The following ABCA5 variants were observed in gnomAD, a reference collection of about 807,000 sequenced individuals.
ABCA5 encodes the protein cholesterol transporter ABCA5.
Under a neutral mutation model 206.0 loss-of-function variants are expected in ABCA5, and 163 were observed. The ratio of observed to expected loss-of-function variants is 0.79; its 90% CI spans 0.70 to 0.90. The LOEUF (loss-of-function observed/expected upper bound fraction) is 0.90. Ranked by LOEUF, ABCA5 falls within the 40% of genes least tolerant of loss-of-function variation. ABCA5 has a pLI of 0.00. For missense variants in ABCA5, 1,859 were observed against 1,912.9 expected (o/e 0.97, Z 0.53); for synonymous variants, 609 against 613.8 (o/e 0.99, Z 0.11).
chr17:69,308,135 T>TTC (rs1555584948), intron 5 of ABCA5, 145 bp downstream of exon 5: 1 of 305,678 alleles, frequency 3.3e-6, no homozygotes, highest in Non-Finnish European at 5.7e-6. Context: ...AATATGACTT[T>TTC]TTTATCTTTT....
At chr17:69,249,266 T>TA (rs1189518280) in intron 37 of ABCA5, 1 of 152,210 alleles carries the variant, frequency 6.6e-6, no homozygotes, top group Non-Finnish European at 1.5e-5. Flanking sequence ...TTTCACAGTT[T>TA]ATAAATGCCA....
At position 69,287,605 on chromosome 17, in the gene ABCA5, A is replaced by T. The variant is rs374274904; in HGVS notation, c.2041+8T>A. The T allele has an allele frequency of 1.4e-5, 22 of 1,606,002 alleles. No homozygotes were observed. Among genetic ancestry groups the T allele is most frequent in the Non-Finnish European group, 1.8e-5 (21 of 1,176,378 alleles). On this transcript the variant is annotated splice_region_variant and intron_variant, in intron 15 of 38. Transcript: ENST00000392676. ...TCTCAGCCTTCGAAAATAAAACAAA[A>T]ATCTCACCTGCAAGAATGTCAGCTT... is the stretch of plus-strand genomic sequence containing the variant.
chr17:69,277,249 G>A (rs367609420), intron 19 of ABCA5, among the ~76,000 whole-genome samples: 22 of 152,018 alleles, frequency 1.4e-4, no homozygotes, highest in African/African-American at 5.1e-4. Flanking sequence ...ACTAATAGAC[G>A]CAAAAAATAG....
At chr17:69,256,360 G>A in intron 28 of ABCA5, 77 bp from the exon 29 acceptor site, 1 of 918,498 alleles carries the variant, frequency 1.1e-6, no homozygotes. Flanking sequence ...ATACTAGGTA[G>A]AGAAAAGACT....
At chr17:69,315,378 T>A (rs576150146) in intron 1 of ABCA5, 1 of 152,260 alleles carries the variant, frequency 6.6e-6, no homozygotes, top group Non-Finnish European at 1.5e-5. Context: ...ACTTATGACC[T>A]GAACCTAACC....
rs148252742 is a variant in ABCA5, at chr17:69,281,915, C to G, written c.2392+2038G>C. 1.3e-3 allele frequency among the ~76,000 whole-genome samples: 201 copies of G among 152,264 alleles called. 2 individuals are homozygous for G. The highest frequency in any genetic ancestry group is 4.7e-3 in the African/African-American group (196 of 41,528). On this transcript the variant is annotated intron_variant, in intron 18 of 38. Transcript: ENST00000392676. ...ATTCATGCAAAATGTGTATTTGCAG[C>G]ATCTCAACTCTTTTAACAACTGTGA...
chr17:69,248,308 G>A lies in ABCA5; in HGVS notation c.4775C>T (p.Ala1592Val). The A allele has an allele frequency of 1.3e-6, 2 of 1,558,512 alleles. No homozygotes were observed. Among genetic ancestry groups the A allele is most frequent in the Non-Finnish European group, 1.8e-6 (2 of 1,140,536 alleles). Residue 1592 changes from alanine to valine, a missense_variant, in exon 38 of 39, where the codon GCT becomes GTT. Physicochemically the swap from Ala to Val is moderately conservative, Grantham distance 64. Transcript: ENST00000392676. Reference sequence around the variant, plus strand: ...AAAGCTATATTCTTCAATGGCAAAAGCATGTTTAGCTATTAAAATATAAAA... The same window carrying A: ...AAAGCTATATTCTTCAATGGCAAAAACATGTTTAGCTATTAAAATATAAAA... Reference protein sequence around the residue: ...SFFKLEEAKHAFAIEEYSFSQ... With the variant: ...SFFKLEEAKHVFAIEEYSFSQ...
At chr17:69,275,121 G>C (rs895086157) in intron 19 of ABCA5, among the ~76,000 whole-genome samples, 3 of 152,092 alleles carry the variant, frequency 2.0e-5, no homozygotes, top group Non-Finnish European at 4.4e-5. Flanking sequence ...TGGGATTTCA[G>C]GTGTGAGCCA....
rs754434272 is a variant in ABCA5 at position 69,249,988 on chromosome 17, G to GA, written c.4686-5dup. On this transcript the variant is annotated splice_polypyrimidine_tract_variant and splice_region_variant and intron_variant, in intron 36 of 38. Coordinates refer to ENST00000392676, the MANE Select transcript of ABCA5 (RefSeq NM_172232.4). ...ATAAGCCAAAATAGAAGAAAAACTGGAAAAAAAGATAAAATATGGAAAAAA... is the reference window on the plus strand; with the variant it reads ...ATAAGCCAAAATAGAAGAAAAACTGGAAAAAAAAGATAAAATATGGAAAAAA... 11 of 1,456,010 alleles carry GA rather than the reference G, an allele frequency of 7.6e-6. No homozygotes were observed. Among genetic ancestry groups the GA allele is most frequent in the African/African-American group, 1.4e-5 (1 of 69,690 alleles). 90.2% of individuals were successfully genotyped at this position (1,456,010 alleles called of 1,614,324 possible).
Position 69,306,698 on chromosome 17 carries a change from TTAAG to T in ABCA5, c.788+23_788+26del, listed in dbSNP as rs750347152. The T allele has an allele frequency of 5.8e-5, 65 of 1,125,588 alleles. No homozygotes were observed. The Middle Eastern group carries it at 9.6e-4, about 17-fold the overall frequency. The allele number at this position is 1,125,588 out of a possible 1,614,324, so 69.7% of individuals were successfully genotyped here. ...ATATTTAATACAATTTTTAATTATA[TTAAG>T]TAATAAATTTTTAATAACATACCAA... On this transcript the variant is annotated intron_variant, in intron 6 of 38. Transcript: ENST00000392676.
Position 69,259,729 on chromosome 17 carries a change from T to C in ABCA5, c.3708A>G (p.Ser1236=). ...QYYEKKYGGR[S]IRKDPFFRNL... ...ACCTGAAAAAGGGATCTTTTCTTAT[T>C]GATCTGCCTCCATATTTTTTCTCAT... The change falls in exon 28 of 39, where the codon TCA becomes TCG. Residue 1236 remains serine (S), a synonymous_variant. Coordinates refer to ENST00000392676, the MANE Select transcript of ABCA5 (RefSeq NM_172232.4). 6.2e-7 allele frequency: 1 copy of C among 1,606,936 alleles called. No individual in the cohort carries two copies.
In ABCA5 at chr17:69,261,670, TTAA is replaced by T; in HGVS notation, c.3391_3393del (p.Leu1131del). 6.7e-7 allele frequency: 1 copy of T among 1,497,634 alleles called. No homozygotes were observed. The highest frequency in any genetic ancestry group is 9.0e-7 in the Non-Finnish European group (1 of 1,109,610). 92.8% of individuals were successfully genotyped at this position (1,497,634 alleles called of 1,614,324 possible). On this transcript the variant is annotated inframe_deletion, in exon 25 of 39. Coordinates refer to ENST00000392676, the MANE Select transcript of ABCA5 (RefSeq NM_172232.4). ...ATAAATGACCAAAATTCTTTGGTAT[TTAA>T]AATTTTCTTAAAGGTGAAAGAAGCA...
chr17:69,311,624 G>A (rs2075770994), intron 3 of ABCA5, among the ~76,000 whole-genome samples: 1 of 152,008 alleles, frequency 6.6e-6, no homozygotes, highest in Non-Finnish European at 1.5e-5. Flanking sequence ...CAAGTAGCTG[G>A]GACTACAGGC....
At chr17:69,317,801 A>G (rs937055968) in intron 1 of ABCA5, 7 of 152,158 alleles carry the variant, frequency 4.6e-5, no homozygotes. Context: ...AGCTATCTCG[A>G]TTCTTCAGAG....
chr17:69,283,752 GAT>G (rs138824252), intron 18 of ABCA5, among the ~76,000 whole-genome samples, 199 bp downstream of exon 18: 9,333 of 152,018 alleles, frequency 0.061, 302 homozygotes, highest in African/African-American at 0.081. Context: ...CCTTCCTGAT[GAT>G]ATAATCTAAG....
intron 19 of ABCA5, among the ~76,000 whole-genome samples, chr17:69,277,127 G>A (rs2075341431): frequency 6.6e-6 from 1 of 152,150 alleles, no homozygotes. Context: ...ATGTCATTTT[G>A]ATCCCAGATC....
chr17:69,254,252 A>T (rs888025325), intron 32 of ABCA5, 63 bp downstream of exon 32: 12 of 1,355,388 alleles, frequency 8.9e-6, no homozygotes, highest in African/African-American at 1.5e-5. Flanking sequence ...ATGAAATTTT[A>T]AAAATATGAA....
chr17:69,275,341 T>C (rs2075320067), intron 19 of ABCA5, among the ~76,000 whole-genome samples: 2 of 152,188 alleles, frequency 1.3e-5, no homozygotes, highest in African/African-American at 4.8e-5. Context: ...GCTACTTATC[T>C]GATAAAATAT....
At position 69,277,651 on chromosome 17, in the gene ABCA5, C is replaced by T; in HGVS notation, c.2584G>A (p.Val862Met). The T allele has an allele frequency of 6.2e-7, 1 of 1,609,410 alleles. No homozygotes were observed. The highest frequency in any genetic ancestry group is 8.5e-7 in the Non-Finnish European group (1 of 1,178,480). The part of the protein sequence containing the change: ...FFTLKRESKS[V>M]RSVLLLLLIF... ...GATAATTATACTTACACTGATCTCACTGATTTACTTTCACGTTTCAAGGTA... is the reference window on the plus strand; with the variant it reads ...GATAATTATACTTACACTGATCTCATTGATTTACTTTCACGTTTCAAGGTA... The change falls in exon 19 of 39, where the codon GTG (valine) becomes ATG (methionine). Residue 862 changes from valine to methionine, a missense_variant. Physicochemically the swap from Val to Met is conservative, Grantham distance 21. Transcript: ENST00000392676.
Sources: gnomAD v4.1 joint callset for allele counts (sites outside exome capture counted in the v4.1 genomes callset) on GRCh38, gnomAD v4.1.1 for gene constraint, MANE v1.5 for transcripts, NCBI Gene and HGNC (gene_info 2026-07-23, HGNC 2026-07-21) for gene names.